PARD3B: variants seen among roughly 807,000 people sequenced by gnomAD.
PARD3B encodes the protein par-3 family cell polarity regulator beta.
A neutral mutation model predicts 130.2 loss-of-function variants in PARD3B; 103 were observed. That is an observed-to-expected ratio of 0.79 (90% CI 0.67 to 0.93). The LOEUF is 0.93. Among genes scored for constraint, PARD3B ranks in the 40% least tolerant of loss-of-function variants. The pLI is 0.00. For missense variants in PARD3B, 1,609 were observed against 1,499.2 expected, an observed-to-expected ratio of 1.07 and a Z score of -1.21; for synonymous variants, 583 against 553.2, an observed-to-expected ratio of 1.05 and a Z score of -0.76.
intron 20 of PARD3B, among the ~76,000 whole-genome samples, chr2:205,476,551 T>C (rs1338774744): frequency 1.3e-5 from 2 of 152,172 alleles, no homozygotes; most frequent in Non-Finnish European, 2.9e-5. Context: ...GAACATGTTT[T>C]ATATGCATAG....
chr2:205,029,912 C>A (rs2125357596), intron 3 of PARD3B, among the ~76,000 whole-genome samples: 1 of 152,266 alleles, frequency 6.6e-6, no homozygotes, highest in African/African-American at 2.4e-5. Context: ...TAGGGAGTTG[C>A]AAACCTGCTA....
chr2:205,011,559 G>A lies in PARD3B; in HGVS notation c.395-36022G>A, dbSNP rs570613041. 4.6e-5 allele frequency among the ~76,000 whole-genome samples: 7 copies of A among 152,258 alleles called. No individual in the cohort carries two copies. In the South Asian group the frequency reaches 1.2e-3, roughly 27 times the overall value. On this transcript the variant is annotated intron_variant, in intron 3 of 22. Coordinates refer to ENST00000406610, the MANE Select transcript of PARD3B (RefSeq NM_001302769.2). This position sits in a 1 kb window ranked among gnomAD's most constrained non-coding sequence, Gnocchi z 4.1. ...TTATTCATCGCACAGACCAACCTTG[G>A]TGCACTGTAGGAAGGAACTACATAG...
At chr2:204,737,810 T>G (rs969703054) in intron 2 of PARD3B, among the ~76,000 whole-genome samples, 2 of 152,148 alleles carry the variant, frequency 1.3e-5, no homozygotes, top group Non-Finnish European at 2.9e-5. Context: ...GGTTTTCCCA[T>G]TTAATACATA....
Position 205,522,709 on chromosome 2 carries a change from A to C in PARD3B, c.3180+22678A>C, listed in dbSNP as rs549697106. Among the ~76,000 whole-genome samples, 71 of 152,276 alleles carry C rather than the reference A, an allele frequency of 4.7e-4. No individual in the cohort carries two copies. The Middle Eastern group carries it at 0.014, about 29-fold the overall frequency. On this transcript the variant is annotated intron_variant, in intron 21 of 22. Coordinates refer to ENST00000406610, the MANE Select transcript of PARD3B (RefSeq NM_001302769.2). ...AATATATGCATACCATATTTCCTTA[A>C]ATATGAGTCAGCACCGATTATTATA...
chr2:204,926,834 A>G (rs1003708474), intron 2 of PARD3B, among the ~76,000 whole-genome samples: 5 of 152,120 alleles, frequency 3.3e-5, no homozygotes, highest in Non-Finnish European at 5.9e-5. Context: ...ATACAAATAC[A>G]TTTGCCATTT....
chr2:205,607,790 T>G (rs931498500), intron 22 of PARD3B, among the ~76,000 whole-genome samples: 1 of 149,562 alleles, frequency 6.7e-6, no homozygotes, highest in Non-Finnish European at 1.5e-5. Context: ...TCCTGTGTCT[T>G]AATGAAATCA....
At chr2:205,168,252 A>G (rs2034929094) in intron 11 of PARD3B, among the ~76,000 whole-genome samples, 1 of 146,946 alleles carries the variant, frequency 6.8e-6, no homozygotes, top group Non-Finnish European at 1.5e-5. Context: ...TAGGAGTCTG[A>G]TGGGAGTAAT....
At chr2:204,899,890 A>G (rs2046794613) in intron 2 of PARD3B, among the ~76,000 whole-genome samples, 1 of 148,872 alleles carries the variant, frequency 6.7e-6, no homozygotes, top group Non-Finnish European at 1.5e-5. Flanking sequence ...CTTTGATAAA[A>G]GTTTTTTTTT....
At position 205,300,407 on chromosome 2, in the gene PARD3B, C is replaced by T. The variant is rs1443653483; in HGVS notation, c.2186-123C>T. 6.9e-6 allele frequency: 6 copies of T among 874,606 alleles called. No individual in the cohort carries two copies. The highest frequency in any genetic ancestry group is 1.7e-5 in the African/African-American group (1 of 59,854). 54.2% of individuals were successfully genotyped at this position (874,606 alleles called of 1,614,324 possible). On this transcript the variant is annotated intron_variant, in intron 16 of 22. Coordinates refer to ENST00000406610, the MANE Select transcript of PARD3B (RefSeq NM_001302769.2). This position sits in a 1 kb window ranked among gnomAD's most constrained non-coding sequence, Gnocchi z 4.1. ...AAGGTGGCAAAGCTGGAGTATAACC[C>T]CAACTCCCACCCACTTAACACCCCT...
At chr2:205,611,516 CAT>C (rs1257867070) in intron 22 of PARD3B, among the ~76,000 whole-genome samples, 1 of 152,152 alleles carries the variant, frequency 6.6e-6, no homozygotes, top group East Asian at 1.9e-4. Context: ...ATGTAAATAA[CAT>C]ATATCTTTGT....
chr2:204,557,474 C>T (rs780219631), intron 1 of PARD3B, among the ~76,000 whole-genome samples: 1 of 152,180 alleles, frequency 6.6e-6, no homozygotes, highest in African/African-American at 2.4e-5. Flanking sequence ...TCCTCCTTAT[C>T]GTCTCTACAT....
intron 15 of PARD3B, among the ~76,000 whole-genome samples, chr2:205,215,572 A>C (rs958823588): frequency 6.6e-6 from 1 of 152,136 alleles, no homozygotes; most frequent in African/African-American, 2.4e-5. Context: ...ATAAATATGA[A>C]ATATATTCAA....
intron 1 of PARD3B, among the ~76,000 whole-genome samples, chr2:204,679,325 G>C (rs910504571): frequency 6.6e-6 from 1 of 152,146 alleles, no homozygotes; most frequent in Non-Finnish European, 1.5e-5. Context: ...TCTGTTAGAT[G>C]TATACCCAGA....
chr2:204,996,083 T>C (rs1694144437), intron 3 of PARD3B, among the ~76,000 whole-genome samples: 1 of 63,628 alleles, frequency 1.6e-5, no homozygotes, highest in Non-Finnish European at 3.0e-5. Context: ...TCTCAGCTCG[T>C]CAAAATCATT....
chr2:205,491,607 G>A (rs10173204), intron 20 of PARD3B, among the ~76,000 whole-genome samples: 5,360 of 151,888 alleles, frequency 0.035, 315 homozygotes, highest in African/African-American at 0.12. Flanking sequence ...TTTTGGTTCC[G>A]GCCTTTGTTT....
At chr2:204,640,641 C>T (rs2035045153) in intron 1 of PARD3B, among the ~76,000 whole-genome samples, 1 of 152,146 alleles carries the variant, frequency 6.6e-6, no homozygotes, top group Admixed American at 6.5e-5. Context: ...CCTACACTTG[C>T]TGTGAATAGG....
Position 205,054,430 on chromosome 2 carries a change from ATATATATTTTT to A in PARD3B, c.504+6742_504+6752del, listed in dbSNP as rs1425012691. Reference sequence around the variant, plus strand: ...TATATATATATATATATATATATATATATATATTTTTTTTTTTTTTTTTTTTTAATTATACT... The same window carrying A: ...TATATATATATATATATATATATATATTTTTTTTTTTTTTTTAATTATACT... On this transcript the variant is annotated intron_variant, in intron 4 of 22. Transcript: ENST00000406610. Among the ~76,000 whole-genome samples, 296 of 37,674 alleles carry A rather than the reference ATATATATTTTT, an allele frequency of 7.9e-3. 1 individual carries two copies. The highest frequency in any genetic ancestry group is 0.015 in the South Asian group (10 of 654). The allele number at this position is 37,674 out of a possible 152,430, so 24.7% of individuals were successfully genotyped here.
At chr2:205,481,235 T>C (rs2049223779) in intron 20 of PARD3B, among the ~76,000 whole-genome samples, 2 of 152,258 alleles carry the variant, frequency 1.3e-5, no homozygotes, top group South Asian at 4.2e-4. Context: ...AGAGGCAGTG[T>C]GGTCAAAGGC....
intron 20 of PARD3B, among the ~76,000 whole-genome samples, chr2:205,498,250 C>T (rs1420805033): frequency 6.7e-6 from 1 of 148,928 alleles, no homozygotes; most frequent in Non-Finnish European, 1.5e-5. Flanking sequence ...GCCTGTAATC[C>T]CAGTACTTTG....
Sources: gnomAD v4.1 joint callset for allele counts (sites outside exome capture counted in the v4.1 genomes callset) on GRCh38, gnomAD v4.1.1 for gene constraint, Gnocchi (gnomAD v3.1) non-coding constraint, MANE v1.5 for transcripts, NCBI Gene and HGNC (gene_info 2026-07-23, HGNC 2026-07-21) for gene names.